PCDHGA10: variants seen among roughly 807,000 people sequenced by gnomAD.
PCDHGA10 encodes protocadherin gamma-A10.
PCDHGA10 carries 42 observed loss-of-function variants against 59.5 expected under a neutral mutation model. The observed-to-expected ratio is 0.71, with a 90% CI of 0.55 to 0.91. The LOEUF (loss-of-function observed/expected upper bound fraction) is 0.91. Ranked by LOEUF, PCDHGA10 falls within the 40% of genes least tolerant of loss-of-function variation. The pLI, the probability that PCDHGA10 is intolerant of heterozygous loss-of-function variation, is 0.00. For synonymous variants in PCDHGA10, 511 were observed against 517.2 expected (o/e 0.99, Z 0.16); for missense variants, 1,111 against 1,198.2 (o/e 0.93, Z 1.07).
chr5:141,419,274 C>T lies in PCDHGA10; in HGVS notation c.2436+3663C>T, dbSNP rs755798236. 17 of 1,613,900 alleles carry T rather than the reference C, an allele frequency of 1.1e-5. No homozygotes were observed. Among genetic ancestry groups the T allele is most frequent in the African/African-American group, 1.3e-5 (1 of 74,948 alleles). ...AACAACCAGCCGGGTGCCTCCATAG[C>T]GCAAGTCAGTGCCTCTGACCCAGAC... is the stretch of plus-strand genomic sequence containing the variant. On this transcript the variant is annotated intron_variant, in intron 1 of 3. Transcript: ENST00000398610.
chr5:141,468,348 A>C (rs962230735), intron 1 of PCDHGA10: 2 of 150,318 alleles, frequency 1.3e-5, no homozygotes, highest in African/African-American at 4.9e-5. Context: ...AAAAAAAAAA[A>C]AGAAAGAAAA....
intron 1 of PCDHGA10, chr5:141,478,112 G>A (rs2099430344): frequency 1.2e-6 from 2 of 1,613,968 alleles, no homozygotes; most frequent in South Asian, 2.2e-5. Flanking sequence ...CACTGTGTCA[G>A]TAACCGAGGA....
intron 1 of PCDHGA10, among the ~76,000 whole-genome samples, chr5:141,429,660 ATATAT>A (rs1388009014): frequency 1.3e-5 from 2 of 152,336 alleles, no homozygotes; most frequent in African/African-American, 4.8e-5. Flanking sequence ...CCAATTTAAA[ATATAT>A]TATTTTATTT....
At position 141,431,017 on chromosome 5, in the gene PCDHGA10, G is replaced by A. The variant is rs768036730; in HGVS notation, c.2436+15406G>A. 2.5e-6 allele frequency: 4 copies of A among 1,613,768 alleles called. No homozygotes were observed. Among genetic ancestry groups the A allele is most frequent in the South Asian group, 1.1e-5 (1 of 91,084 alleles). ...ATCCGCGCAGCGGCAGCTTGGTCAC[G>A]GCGGGCAGGATAGACCGGGAGGAGC... On this transcript the variant is annotated intron_variant, in intron 1 of 3. Transcript: ENST00000398610. This position sits in a 1 kb window ranked among gnomAD's most constrained non-coding sequence, Gnocchi z 4.8.
In PCDHGA10 at chr5:141,490,413, G is replaced by C. The variant is rs2233606; in HGVS notation, c.2437-4394G>C. 6 of 1,614,128 alleles carry C rather than the reference G, an allele frequency of 3.7e-6. No individual in the cohort carries two copies. In the South Asian group the frequency reaches 4.4e-5, roughly 12 times the overall value. On this transcript the variant is annotated intron_variant, in intron 1 of 3. Transcript: ENST00000398610. The surrounding 1 kb of genome is among the most constrained non-coding windows in gnomAD (Gnocchi z 5.4). ...GTGAAGTGAGCCTTGATATCTCTCCGGACCTGCCATTTCAGATTAAGCCTT... is the reference window on the plus strand; with the variant it reads ...GTGAAGTGAGCCTTGATATCTCTCCCGACCTGCCATTTCAGATTAAGCCTT...
In PCDHGA10 at chr5:141,486,518, A is replaced by G; in HGVS notation, c.2437-8289A>G. The G allele has an allele frequency of 6.2e-7, 1 of 1,614,132 alleles. No homozygotes were observed. Among genetic ancestry groups the G allele is most frequent in the Non-Finnish European group, 8.5e-7 (1 of 1,179,996 alleles). On this transcript the variant is annotated intron_variant, in intron 1 of 3. Coordinates refer to ENST00000398610, the MANE Select transcript of PCDHGA10 (RefSeq NM_018913.3). The surrounding 1 kb of genome is among the most constrained non-coding windows in gnomAD (Gnocchi z 5.0). ...TATTTTCCTCAATATTTCAGATGTG[A>G]ATGATAATCCACCCTCTTTCTTTCA...
At chr5:141,468,739 G>A (rs1167211344) in intron 1 of PCDHGA10, among the ~76,000 whole-genome samples, 5 of 152,000 alleles carry the variant, frequency 3.3e-5, no homozygotes, top group African/African-American at 1.2e-4. Context: ...GGTGGCGGGT[G>A]CCTGTAGTCC....
At chr5:141,417,859 G>T (rs925593025) in intron 1 of PCDHGA10, 10 of 1,548,090 alleles carry the variant, frequency 6.5e-6, no homozygotes, top group African/African-American at 2.7e-5. Context: ...CCGAGCGAAC[G>T]ATGGGAGGGA....
At position 141,489,385 on chromosome 5, in the gene PCDHGA10, G is replaced by C. The variant is rs893348832; in HGVS notation, c.2437-5422G>C. The stretch of plus-strand genomic sequence containing the variant: ...GCCGGGGACGCTGGTGGGGAATGTT[G>C]CTCAGGATCTGGGCTTAAAGATGAC... On this transcript the variant is annotated intron_variant, in intron 1 of 3. Transcript: ENST00000398610. This position sits in a 1 kb window ranked among gnomAD's most constrained non-coding sequence, Gnocchi z 4.5. The C allele has an allele frequency of 6.2e-7, 1 of 1,613,924 alleles. No individual in the cohort carries two copies. Among genetic ancestry groups the C allele is most frequent in the Non-Finnish European group, 8.5e-7 (1 of 1,179,896 alleles).
At chr5:141,465,779 G>GTT (rs879859429) in intron 1 of PCDHGA10, among the ~76,000 whole-genome samples, 3 of 145,118 alleles carry the variant, frequency 2.1e-5, no homozygotes, top group Non-Finnish European at 3.0e-5. Context: ...TCTTGTTACA[G>GTT]TTTTTTTTTT....
At chr5:141,427,694 A>G in intron 1 of PCDHGA10, 2 of 913,934 alleles carry the variant, frequency 2.2e-6, no homozygotes, top group South Asian at 1.4e-5. Flanking sequence ...CCTCCATCCC[A>G]CAAGTCAGCG....
At chr5:141,484,009 TG>T (rs2099590446) in intron 1 of PCDHGA10, among the ~76,000 whole-genome samples, 1 of 14,098 alleles carries the variant, frequency 7.1e-5, no homozygotes, top group Admixed American at 8.3e-4. Context: ...TGGATGAGGG[TG>T]GGGGTGGGGT....
intron 1 of PCDHGA10, among the ~76,000 whole-genome samples, chr5:141,420,643 A>G (rs145459829): frequency 0.01 from 1,535 of 152,326 alleles, 17 homozygotes; most frequent in Non-Finnish European, 0.013. Flanking sequence ...GGAACCTTGT[A>G]AGAATTATAG....
In PCDHGA10 at chr5:141,476,702, C is replaced by A. The variant is rs751321222; in HGVS notation, c.2437-18105C>A. 1.4e-5 allele frequency: 23 copies of A among 1,614,104 alleles called. No individual in the cohort carries two copies. Among genetic ancestry groups the A allele is most frequent in the Non-Finnish European group, 1.7e-5 (20 of 1,180,050 alleles). ...GGAGGACAGCACCAAGTACGCGGAG[C>A]TGGTGTTGGAGCGCGCCCTGGACCG... is the stretch of plus-strand genomic sequence containing the variant. On this transcript the variant is annotated intron_variant, in intron 1 of 3. Coordinates refer to ENST00000398610, the MANE Select transcript of PCDHGA10 (RefSeq NM_018913.3). The surrounding 1 kb of genome is among the most constrained non-coding windows in gnomAD (Gnocchi z 7.6).
rs11410533 is a variant in PCDHGA10, at chr5:141,429,387, TA to T, written c.2436+13784del. ...AAATGGAGAAAATGTGTTTTTTTTT[TA>T]AAAAAAATTGAGATTAAGGTCTCAT... On this transcript the variant is annotated intron_variant, in intron 1 of 3. Transcript: ENST00000398610. Among the ~76,000 whole-genome samples, 10 of 151,446 alleles carry T rather than the reference TA, an allele frequency of 6.6e-5. No individual in the cohort carries two copies. In the South Asian group the frequency reaches 1.0e-3, roughly 16 times the overall value.
In PCDHGA10 at chr5:141,454,516, C is replaced by T. The variant is rs375583922; in HGVS notation, c.2436+38905C>T. On this transcript the variant is annotated intron_variant, in intron 1 of 3. Coordinates refer to ENST00000398610, the MANE Select transcript of PCDHGA10 (RefSeq NM_018913.3). Reference sequence around the variant, plus strand: ...CCACCTCCTGGATTCAGGCAGTTCTCCTGCCTCAGCCTCCCAAGTAGCTGA... The same window carrying T: ...CCACCTCCTGGATTCAGGCAGTTCTTCTGCCTCAGCCTCCCAAGTAGCTGA... Among the ~76,000 whole-genome samples the T allele has an allele frequency of 1.2e-4, 18 of 152,288 alleles. No individual in the cohort carries two copies. In the East Asian group the frequency reaches 3.1e-3, roughly 26 times the overall value.
chr5:141,488,540 A>C (rs901890616), intron 1 of PCDHGA10, among the ~76,000 whole-genome samples: 6 of 152,146 alleles, frequency 3.9e-5, no homozygotes, highest in Admixed American at 2.0e-4. Context: ...GCTAAGTCCC[A>C]TGTCAGCTGA....
chr5:141,499,401 C>A lies in PCDHGA10; in HGVS notation c.2495+4536C>A, dbSNP rs115575614. ...TTCCACTTATAAAATAGTACATGCTCATTATAGAAACATGAAAAATAGAAA... is the reference window on the plus strand; with the variant it reads ...TTCCACTTATAAAATAGTACATGCTAATTATAGAAACATGAAAAATAGAAA... On this transcript the variant is annotated intron_variant, in intron 2 of 3. Coordinates refer to ENST00000398610, the MANE Select transcript of PCDHGA10 (RefSeq NM_018913.3). Among the ~76,000 whole-genome samples, 871 of 152,186 alleles carry A rather than the reference C, an allele frequency of 5.7e-3. 5 individuals are homozygous for A. Among genetic ancestry groups the A allele is most frequent in the African/African-American group, 0.02 (847 of 41,502 alleles).
chr5:141,428,181 A>G, intron 1 of PCDHGA10: 2 of 1,486,230 alleles, frequency 1.3e-6, no homozygotes, highest in Non-Finnish European at 1.8e-6. Flanking sequence ...GACGGAGGAC[A>G]GCCGCCGCTC....
Sources: gnomAD v4.1 joint callset for allele counts (sites outside exome capture counted in the v4.1 genomes callset) on GRCh38, gnomAD v4.1.1 for gene constraint, Gnocchi (gnomAD v3.1) non-coding constraint, MANE v1.5 for transcripts, NCBI Gene and HGNC (gene_info 2026-07-23, HGNC 2026-07-21) for gene names.